ECH1: variants seen among roughly 807,000 people sequenced by gnomAD.
ECH1 encodes the protein delta(3,5)-Delta(2,4)-dienoyl-CoA isomerase, mitochondrial.
Under a neutral mutation model 37.0 loss-of-function variants are expected in ECH1, and 30 were observed. The ratio of observed to expected loss-of-function variants is 0.81; its 90% CI spans 0.61 to 1.10. ECH1 has a LOEUF of 1.10. Ranked by LOEUF, ECH1 falls within the 50% of genes least tolerant of loss-of-function variation. ECH1 has a pLI of 0.00. For missense variants in ECH1, 456 were observed against 441.6 expected (o/e 1.03, Z -0.29); for synonymous variants, 178 against 176.0 (o/e 1.01, Z -0.09).
At chr19:38,825,769 A>G (rs967404103) in intron 3 of ECH1, among the ~76,000 whole-genome samples, 5 of 152,242 alleles carry the variant, frequency 3.3e-5, no homozygotes, top group Admixed American at 6.5e-5. Context: ...AGATTGTCCA[A>G]TGAGAAACAA....
intron 3 of ECH1, among the ~76,000 whole-genome samples, chr19:38,827,766 G>A (rs910145345): frequency 8.5e-5 from 13 of 152,090 alleles, no homozygotes; most frequent in Admixed American, 3.9e-4. Flanking sequence ...TCCCTGGTTC[G>A]AGCCATCCTC....
intron 8 of ECH1, 24 bp downstream of exon 8, chr19:38,816,260 G>A: frequency 6.8e-6 from 11 of 1,611,552 alleles, no homozygotes; most frequent in South Asian, 2.2e-5. Flanking sequence ...CCCCAGCACT[G>A]AGCTACCACG....
Position 38,831,093 on chromosome 19 carries a change from T to G in ECH1, c.334A>C (p.Lys112Gln). The part of the protein sequence containing the change: ...CRAVVISGAG[K>Q]MFTAGIDLMD... ...CGTCTGGTACCTGCAGTGAACATTT[T>G]TCCTGCACCAGAGATCACCACCGCC... Residue 112 changes from lysine (K) to glutamine (Q), a missense_variant, in exon 3 of 10, where the codon AAA becomes CAA. Physicochemically the swap from Lys to Gln is moderately conservative, Grantham distance 53. Coordinates refer to ENST00000221418, the MANE Select transcript of ECH1 (RefSeq NM_001398.3). 1 of 1,614,002 alleles carries G rather than the reference T, an allele frequency of 6.2e-7. No individual in the cohort carries two copies. Among genetic ancestry groups the G allele is most frequent in the African/African-American group, 1.3e-5 (1 of 74,950 alleles).
rs1350330584 is a variant in ECH1 at position 38,816,194 on chromosome 19, T to C, written c.731+90A>G. 5 of 1,536,978 alleles carry C rather than the reference T, an allele frequency of 3.3e-6. No individual in the cohort carries two copies. The Admixed American group carries it at 7.7e-5, about 24-fold the overall frequency. The stretch of plus-strand genomic sequence containing the variant: ...CAAGAAAGGATGCCACTAGGAATTC[T>C]AGAGCGAGGAGACAAGGGGACCCGG... On this transcript the variant is annotated intron_variant, in intron 8 of 9. Coordinates refer to ENST00000221418, the MANE Select transcript of ECH1 (RefSeq NM_001398.3).
intron 3 of ECH1, among the ~76,000 whole-genome samples, chr19:38,828,057 A>G (rs544669055): frequency 3.8e-4 from 58 of 152,262 alleles, no homozygotes; most frequent in Non-Finnish European, 7.1e-4. Flanking sequence ...CAAAAAAATA[A>G]AAATAAAAAC....
chr19:38,816,106 G>A (rs1971571610), intron 8 of ECH1, 99 bp from the exon 9 acceptor site: 15 of 1,543,486 alleles, frequency 9.7e-6, no homozygotes, highest in African/African-American at 1.4e-5. Flanking sequence ...GAAGGCCCAA[G>A]ACCCCAGAGA....
rs1355093783 is a variant in ECH1 at position 38,831,721 on chromosome 19, G to C, written c.52C>G (p.Arg18Gly). 1 of 1,613,700 alleles carries C rather than the reference G, an allele frequency of 6.2e-7. No homozygotes were observed. ...SRRLRDLLTR[R>G]LTGSNYPGLS... ...CCCCATAAGGCAAGAGGTGACTCAC[G>C]CCGGGTCAGTAGGTCGCGGAGTCTG... Residue 18 changes from arginine (R) to glycine (G), a missense_variant and splice_region_variant, in exon 1 of 10, where the codon CGA (arginine) becomes GGA (glycine). Arg to Gly is a moderately radical substitution (Grantham distance 125, BLOSUM62 -2). Coordinates refer to ENST00000221418, the MANE Select transcript of ECH1 (RefSeq NM_001398.3).
chr19:38,827,222 T>G (rs1337248958), intron 3 of ECH1, among the ~76,000 whole-genome samples: 1 of 152,152 alleles, frequency 6.6e-6, no homozygotes, highest in Admixed American at 6.5e-5. Context: ...CCCACTGAGT[T>G]GGGAACGCCA....
intron 5 of ECH1, 92 bp from the exon 6 acceptor site, chr19:38,817,221 C>T: frequency 1.3e-6 from 2 of 1,544,632 alleles, no homozygotes; most frequent in South Asian, 1.2e-5. Flanking sequence ...CAGTCTGGCC[C>T]ATGACAGAGC....
chr19:38,818,485 TTTA>T, intron 3 of ECH1: 2 of 698,314 alleles, frequency 2.9e-6, no homozygotes, highest in Non-Finnish European at 3.5e-6. Flanking sequence ...CCTCTTTTTT[TTTA>T]TTTTATTTTT....
chr19:38,830,650 C>CAAA (rs55649550), intron 3 of ECH1, among the ~76,000 whole-genome samples: 1 of 75,384 alleles, frequency 1.3e-5, no homozygotes. Context: ...ATATTGTCTC[C>CAAA]AAAAAAAAAA....
At chr19:38,826,560 A>G (rs187284168) in intron 3 of ECH1, among the ~76,000 whole-genome samples, 2 of 152,326 alleles carry the variant, frequency 1.3e-5, no homozygotes, top group African/African-American at 4.8e-5. Context: ...TAATTTCTCT[A>G]TATCCAGCTG....
At chr19:38,819,101 G>A (rs1245490668) in intron 3 of ECH1, 4 of 984,650 alleles carry the variant, frequency 4.1e-6, no homozygotes, top group Non-Finnish European at 4.8e-6. Context: ...GCAAGACCCT[G>A]GCTCAAAAAT....
At position 38,815,695 on chromosome 19, in the gene ECH1, A is replaced by G. The variant is rs1259422525; in HGVS notation, c.905T>C (p.Leu302Pro). Reference sequence around the variant, plus strand: ...CGACTTCACGAGGTCTTGGGTCTGCAGCATGCTCATGTTCCAGGACGCCTG... The same window carrying G: ...CGACTTCACGAGGTCTTGGGTCTGCGGCATGCTCATGTTCCAGGACGCCTG... ...NYVASWNMSM[L>P]QTQDLVKSVQ... The change falls in exon 10 of 10, where the codon CTG becomes CCG. Residue 302 changes from leucine (L) to proline (P), a missense_variant. Coordinates refer to ENST00000221418, the MANE Select transcript of ECH1 (RefSeq NM_001398.3). 6.2e-7 allele frequency: 1 copy of G among 1,614,186 alleles called. No homozygotes were observed. The highest frequency in any genetic ancestry group is 1.1e-5 in the South Asian group (1 of 91,086).
intron 3 of ECH1, among the ~76,000 whole-genome samples, chr19:38,830,025 C>T (rs1024445382): frequency 3.9e-5 from 6 of 152,048 alleles, no homozygotes; most frequent in South Asian, 2.1e-4. Context: ...GGCGTGGTGG[C>T]GGGCACTTGT....
chr19:38,816,550 G>T, intron 6 of ECH1, 27 bp from the exon 7 acceptor site: 3 of 1,613,364 alleles, frequency 1.9e-6, no homozygotes, highest in Non-Finnish European at 2.5e-6. Context: ...GTCAGTGTTT[G>T]GTTTCTGCCC....
intron 3 of ECH1, among the ~76,000 whole-genome samples, chr19:38,826,846 T>A (rs1176118792): frequency 1.3e-5 from 2 of 152,114 alleles, no homozygotes; most frequent in African/African-American, 4.8e-5. Context: ...TATGGATGAT[T>A]TACTTTTGGC....
intron 3 of ECH1, among the ~76,000 whole-genome samples, chr19:38,821,155 G>A (rs1051602550): frequency 1.7e-4 from 26 of 152,228 alleles, no homozygotes; most frequent in African/African-American, 6.3e-4. Flanking sequence ...GTGCACACCT[G>A]TGGTCCCAGC....
rs753440498 is a variant in ECH1, at chr19:38,817,498, G to A, written c.427C>T (p.Arg143Cys). ...TCCTGGTATCGAGTGATGATGTCAC[G>A]GAGGTACCAGCTGATCCGGGCCACA... The part of the protein sequence containing the change: ...DDVARISWYL[R>C]DIITRYQETF... Residue 143 changes from arginine (R) to cysteine (C), a missense_variant, in exon 4 of 10, where the codon CGT becomes TGT. Physicochemically the swap from Arg to Cys is radical, Grantham distance 180. Transcript: ENST00000221418. 1.1e-5 allele frequency: 18 copies of A among 1,613,944 alleles called. No individual in the cohort carries two copies. The highest frequency in any genetic ancestry group is 1.7e-5 in the Admixed American group (1 of 59,986).
Sources: gnomAD v4.1 joint callset for allele counts (sites outside exome capture counted in the v4.1 genomes callset) on GRCh38, gnomAD v4.1.1 for gene constraint, MANE v1.5 for transcripts, NCBI Gene and HGNC (gene_info 2026-07-23, HGNC 2026-07-21) for gene names.